The following BANK1 variants were observed in gnomAD, a reference collection of about 807,000 sequenced individuals.
BANK1 encodes B cell scaffold protein with ankyrin repeats 1.
Under a neutral mutation model 94.5 loss-of-function variants are expected in BANK1, and 95 were observed. That is an observed-to-expected ratio of 1.00 (90% CI 0.85 to 1.19). The LOEUF is 1.19. Among genes scored for constraint, BANK1 ranks in the 50% most tolerant of loss-of-function variants. The pLI is 0.00. For missense variants in BANK1, 987 were observed against 932.2 expected (o/e 1.06, Z -0.77); for synonymous variants, 334 against 308.4 (o/e 1.08, Z -0.87).
chr4:102,057,716 C>A (rs1728278018), intron 11 of BANK1, among the ~76,000 whole-genome samples: 1 of 152,148 alleles, frequency 6.6e-6, no homozygotes, highest in Admixed American at 6.5e-5. Flanking sequence ...GGTGTGACAT[C>A]ACATTGATAC....
At chr4:101,964,252 G>A (rs780879883) in intron 7 of BANK1, among the ~76,000 whole-genome samples, 3 of 151,972 alleles carry the variant, frequency 2.0e-5, no homozygotes, top group African/African-American at 7.3e-5. Flanking sequence ...TGGGCCATCC[G>A]TCACTGATGG....
chr4:102,057,221 G>T (rs371108770), intron 11 of BANK1, among the ~76,000 whole-genome samples: 6 of 144,436 alleles, frequency 4.2e-5, no homozygotes, highest in African/African-American at 1.0e-4. Flanking sequence ...ACTAGTTCTC[G>T]CTCTCTCTCT....
chr4:101,812,303 C>G (rs1725754900), intron 1 of BANK1, among the ~76,000 whole-genome samples: 1 of 151,612 alleles, frequency 6.6e-6, no homozygotes, highest in Non-Finnish European at 1.5e-5. Context: ...ACTTTGATTA[C>G]AATTATAAAG....
chr4:101,953,491 G>A (rs376868094), intron 7 of BANK1, among the ~76,000 whole-genome samples: 93 of 151,992 alleles, frequency 6.1e-4, no homozygotes, highest in African/African-American at 2.1e-3. Flanking sequence ...TGGAAATTTT[G>A]CAGCAGACTT....
At chr4:102,032,048 T>C (rs1727337549) in intron 10 of BANK1, among the ~76,000 whole-genome samples, 1 of 152,220 alleles carries the variant, frequency 6.6e-6, no homozygotes, top group Non-Finnish European at 1.5e-5. Context: ...GAATGAACTT[T>C]TGCTAGAAAT....
At chr4:101,842,985 A>C (rs1443671410) in intron 2 of BANK1, among the ~76,000 whole-genome samples, 2 of 152,232 alleles carry the variant, frequency 1.3e-5, no homozygotes, top group African/African-American at 4.8e-5. Context: ...TCTCATGCTA[A>C]ATGAGCTTTA....
At chr4:101,922,978 A>G (rs911520673) in intron 7 of BANK1, among the ~76,000 whole-genome samples, 1 of 151,748 alleles carries the variant, frequency 6.6e-6, no homozygotes, top group African/African-American at 2.4e-5. Context: ...TTTTTGCTTT[A>G]TTGTCAAATT....
chr4:101,951,799 A>G (rs1291988154), intron 7 of BANK1, among the ~76,000 whole-genome samples: 1 of 152,144 alleles, frequency 6.6e-6, no homozygotes, highest in East Asian at 1.9e-4. Flanking sequence ...AAATTAAATA[A>G]CTATCAATAT....
chr4:101,993,593 T>C lies in BANK1; in HGVS notation c.1207-27921T>C, dbSNP rs113371345. ...AATTACTTGGCACTGAAGAAATGCA[T>C]GCTGATAGAGCACTTTATGGTATGA... On this transcript the variant is annotated intron_variant, in intron 7 of 16. Transcript: ENST00000322953. Among the ~76,000 whole-genome samples the C allele has an allele frequency of 2.7e-3, 413 of 152,310 alleles. 4 individuals are homozygous for C. The highest frequency in any genetic ancestry group is 9.5e-3 in the African/African-American group (396 of 41,580).
At position 101,831,567 on chromosome 4, in the gene BANK1, C is replaced by T. The variant is rs78829209; in HGVS notation, c.469+1361C>T. Among the ~76,000 whole-genome samples, 795 of 152,186 alleles carry T rather than the reference C, an allele frequency of 5.2e-3. 13 individuals are homozygous for T. The East Asian group carries it at 0.06, about 12-fold the overall frequency. ...TTGGTTCATGGCAACCTCTGCCTCC[C>T]AGGCTAAAGCAATTCTCGTGCCTCA... On this transcript the variant is annotated intron_variant, in intron 2 of 16. Coordinates refer to ENST00000322953, the MANE Select transcript of BANK1 (RefSeq NM_017935.5).
Position 101,986,845 on chromosome 4 carries a change from GTATATATATGTATATA to G in BANK1, c.1207-34663_1207-34648del, listed in dbSNP as rs1353338443. Among the ~76,000 whole-genome samples, 124 of 62,092 alleles carry G rather than the reference GTATATATATGTATATA, an allele frequency of 2.0e-3. 3 individuals are homozygous for G. In the East Asian group the frequency reaches 0.032, roughly 16 times the overall value. 40.7% of individuals were successfully genotyped at this position (62,092 alleles called of 152,430 possible). A position where few individuals can be genotyped will look rare whatever the true frequency, so the allele number is the denominator to read the frequency against. On this transcript the variant is annotated intron_variant, in intron 7 of 16. Coordinates refer to ENST00000322953, the MANE Select transcript of BANK1 (RefSeq NM_017935.5). ...TGTGTATATATATGTATATATATGT[GTATATATATGTATATA>G]TATATGTGTGTATGTGTGTGTGTGT...
intron 1 of BANK1, among the ~76,000 whole-genome samples, chr4:101,797,137 T>C (rs919195805): frequency 6.6e-6 from 1 of 152,162 alleles, no homozygotes; most frequent in Non-Finnish European, 1.5e-5. Flanking sequence ...TTATTAATGT[T>C]CACCTTAGAA....
At chr4:101,842,371 A>C (rs1727080793) in intron 2 of BANK1, among the ~76,000 whole-genome samples, 1 of 152,232 alleles carries the variant, frequency 6.6e-6, no homozygotes, top group African/African-American at 2.4e-5. Flanking sequence ...TTCATTAATA[A>C]ATTCTATGAG....
chr4:101,855,174 T>C lies in BANK1; in HGVS notation c.609T>C (p.Thr203=). 4 of 1,612,950 alleles carry C rather than the reference T, an allele frequency of 2.5e-6. No individual in the cohort carries two copies. Among genetic ancestry groups the C allele is most frequent in the Non-Finnish European group, 3.4e-6 (4 of 1,179,298 alleles). Residue 203 remains threonine, a synonymous_variant, in exon 3 of 17, where the codon ACT becomes ACC. Transcript: ENST00000322953. The part of the protein sequence containing the change: ...NTIPLAVVLP[T]EIPCENPGEI... ...TACCACTAGCAGTGGTGCTTCCCACTGAAATTCCATGTGAGGTCAGTAAAG... is the reference window on the plus strand; with the variant it reads ...TACCACTAGCAGTGGTGCTTCCCACCGAAATTCCATGTGAGGTCAGTAAAG...
At chr4:101,997,224 G>T (rs1021885209) in intron 7 of BANK1, among the ~76,000 whole-genome samples, 1 of 152,114 alleles carries the variant, frequency 6.6e-6, no homozygotes, top group African/African-American at 2.4e-5. Context: ...TTATGTGATG[G>T]ATTATGTTTA....
intron 7 of BANK1, among the ~76,000 whole-genome samples, chr4:101,942,769 A>T (rs1476733144): frequency 1.3e-5 from 2 of 151,900 alleles, no homozygotes; most frequent in Non-Finnish European, 2.9e-5. Flanking sequence ...AAAATAGCAA[A>T]GTATCATTAT....
chr4:101,823,927 T>C (rs1726268047), intron 1 of BANK1, among the ~76,000 whole-genome samples: 1 of 152,208 alleles, frequency 6.6e-6, no homozygotes, highest in Non-Finnish European at 1.5e-5. Flanking sequence ...TTTGTAAAAA[T>C]GGACTTGAGT....
intron 3 of BANK1, among the ~76,000 whole-genome samples, chr4:101,856,141 G>A (rs1189852424): frequency 1.1e-4 from 16 of 152,034 alleles, no homozygotes; most frequent in Admixed American, 1.0e-3. Context: ...TGGTACCAGT[G>A]GTCCTGATGG....
intron 11 of BANK1, among the ~76,000 whole-genome samples, chr4:102,046,135 G>A (rs953881932): frequency 3.3e-5 from 5 of 151,204 alleles, no homozygotes; most frequent in African/African-American, 9.7e-5. Context: ...CAGAAATAAC[G>A]CCGCATATCT....
Sources: allele counts gnomAD v4.1 joint callset (sites outside exome capture counted in the v4.1 genomes callset), GRCh38; gene constraint gnomAD v4.1.1; transcripts MANE v1.5; gene names NCBI Gene and HGNC (gene_info 2026-07-23, HGNC 2026-07-21).